Variants in MAP4 observed in about 807,000 individuals in gnomAD.
The protein encoded by MAP4 is microtubule associated protein 4, also known as microtubule-associated protein 4.
A neutral mutation model predicts 170.2 loss-of-function variants in MAP4; 76 were observed. The ratio of observed to expected loss-of-function variants is 0.45; its 90% CI spans 0.37 to 0.54. The LOEUF (loss-of-function observed/expected upper bound fraction) is 0.54, where lower values mean the gene tolerates loss of function less well. MAP4 is among the 20% of genes least tolerant of loss of function. MAP4 has a pLI of 0.00. For missense variants in MAP4, 2,506 were observed against 2,748.0 expected (o/e 0.91, Z 1.97); for synonymous variants, 909 against 994.5 (o/e 0.91, Z 1.62).
chr3:47,914,230 G>T (rs949004094), intron 8 of MAP4, among the ~76,000 whole-genome samples: 4 of 152,138 alleles, frequency 2.6e-5, no homozygotes, highest in Admixed American at 6.5e-5. Flanking sequence ...AGCTGAACCA[G>T]ATCAAAATTT....
intron 1 of MAP4, among the ~76,000 whole-genome samples, chr3:48,055,798 G>A (rs1228359554): frequency 1.4e-5 from 2 of 138,020 alleles, no homozygotes; most frequent in Non-Finnish European, 3.2e-5. Context: ...TAGGAAGTGA[G>A]GAGCGTCTCT....
rs1203113863 is a variant in MAP4, at chr3:47,969,164, T to C, written c.292+8701A>G. ...GGCTCACGCCTGTAATCCCAGCACT[T>C]TGGGAGGCGAACATGGGTGGATCAC... On this transcript the variant is annotated intron_variant, in intron 3 of 20. Transcript: ENST00000683076. 2.0e-5 allele frequency among the ~76,000 whole-genome samples: 3 copies of C among 152,292 alleles called. No homozygotes were observed. In the East Asian group the frequency reaches 5.8e-4, roughly 29 times the overall value.
chr3:47,994,599 C>A (rs1175087978), intron 2 of MAP4, among the ~76,000 whole-genome samples: 5 of 152,222 alleles, frequency 3.3e-5, no homozygotes, highest in South Asian at 4.2e-4. Context: ...ATTAACTTGG[C>A]CCAAGAGGAG....
intron 1 of MAP4, among the ~76,000 whole-genome samples, chr3:48,002,604 G>C (rs2100099805): frequency 6.6e-6 from 1 of 151,522 alleles, no homozygotes; most frequent in Non-Finnish European, 1.5e-5. Flanking sequence ...AAATAAATAG[G>C]GTACAGAGGC....
intron 8 of MAP4, among the ~76,000 whole-genome samples, chr3:47,912,879 T>G (rs1559432770): frequency 6.6e-6 from 1 of 152,158 alleles, no homozygotes; most frequent in Non-Finnish European, 1.5e-5. Flanking sequence ...ATTCTAAGAC[T>G]AGGTCACCAA....
chr3:48,011,991 G>A (rs1419443203), intron 1 of MAP4, among the ~76,000 whole-genome samples: 3 of 152,096 alleles, frequency 2.0e-5, no homozygotes, highest in Non-Finnish European at 4.4e-5. Flanking sequence ...AACTGTCCTG[G>A]GTAAATCCTG....
At chr3:47,864,350 G>A (rs887023723) in intron 17 of MAP4, among the ~76,000 whole-genome samples, 1 of 152,068 alleles carries the variant, frequency 6.6e-6, no homozygotes, top group Non-Finnish European at 1.5e-5. Flanking sequence ...AGACCAGCCT[G>A]CCCAATATAG....
At chr3:47,961,730 C>T (rs916610430) in intron 3 of MAP4, among the ~76,000 whole-genome samples, 1 of 152,164 alleles carries the variant, frequency 6.6e-6, no homozygotes, top group African/African-American at 2.4e-5. Flanking sequence ...CTTCTTACTT[C>T]CATGGTGCTC....
At chr3:47,858,735 C>T (rs1231183866) in intron 17 of MAP4, among the ~76,000 whole-genome samples, 1 of 152,034 alleles carries the variant, frequency 6.6e-6, no homozygotes, top group Non-Finnish European at 1.5e-5. Context: ...CTTTGGGAGG[C>T]TGAGGCAGGC....
chr3:47,934,884 T>C (rs1366925673), intron 3 of MAP4, among the ~76,000 whole-genome samples: 1 of 152,212 alleles, frequency 6.6e-6, no homozygotes, highest in Non-Finnish European at 1.5e-5. Context: ...GTAAACCAAA[T>C]GGTGAAATGT....
At position 47,855,131 on chromosome 3, in the gene MAP4, C is replaced by T. The variant is rs2052794640; in HGVS notation, c.6696+117G>A. 2 of 696,634 alleles carry T rather than the reference C, an allele frequency of 2.9e-6. No homozygotes were observed. The highest frequency in any genetic ancestry group is 5.2e-6 in the Non-Finnish European group (2 of 383,488). The allele number at this position is 696,634 out of a possible 1,614,324, so 43.2% of individuals were successfully genotyped here. On this transcript the variant is annotated intron_variant, in intron 19 of 20. Transcript: ENST00000683076. The surrounding 1 kb of genome is among the most constrained non-coding windows in gnomAD (Gnocchi z 5.1). ...AAAACGGCAATGGTGTGGGTGAAGACATGACTCCTGAAGAGACTGAGGGGC... is the reference window on the plus strand; with the variant it reads ...AAAACGGCAATGGTGTGGGTGAAGATATGACTCCTGAAGAGACTGAGGGGC...
chr3:47,944,857 T>C (rs2100058704), intron 3 of MAP4, among the ~76,000 whole-genome samples: 1 of 151,516 alleles, frequency 6.6e-6, no homozygotes, highest in Admixed American at 6.6e-5. Context: ...AATTATGAGA[T>C]AACTGGTGAA....
chr3:48,037,567 G>A (rs1038039489), intron 1 of MAP4, among the ~76,000 whole-genome samples: 1 of 151,872 alleles, frequency 6.6e-6, no homozygotes, highest in Non-Finnish European at 1.5e-5. Context: ...GCTAATTTTT[G>A]TATTTTTTGT....
Position 47,912,393 on chromosome 3 carries a change from G to A in MAP4, c.2028C>T (p.Pro676=). 2 of 1,516,048 alleles carry A rather than the reference G, an allele frequency of 1.3e-6. No individual in the cohort carries two copies. The highest frequency in any genetic ancestry group is 1.2e-5 in the South Asian group (1 of 82,986). The allele number at this position is 1,516,048 out of a possible 1,614,324, so 93.9% of individuals were successfully genotyped here. Residue 676 remains proline (P), a synonymous_variant, in exon 9 of 21, where the codon CCC becomes CCT. Coordinates refer to ENST00000683076, the MANE Select transcript of MAP4 (RefSeq NM_001385682.1). ...SANFMYCGTP[P]TQAKQVCRPS... ...GTCTGCAAACTTGTTTGGCTTGTGT[G>A]GGAGGGGTACCGCAATACATGAAGT...
chr3:47,857,657 A>G (rs529676575), intron 17 of MAP4, 145 bp from the exon 18 acceptor site: 2 of 649,520 alleles, frequency 3.1e-6, no homozygotes, highest in Admixed American at 2.4e-5. Flanking sequence ...AGACAAGGTC[A>G]TCTCCCTAAG....
chr3:47,909,642 T>G lies in MAP4; in HGVS notation c.4779A>C (p.Leu1593=). The change falls in exon 9 of 21, where the codon CTA becomes CTC. Residue 1593 remains leucine, a synonymous_variant. Transcript: ENST00000683076. ...DQSLPGEARA[L]EGYADRGNFP... ...AATTACCTCTATCTGCATATCCTTC[T>G]AGGGCTCTGGCCTCTCCTGGTAGGC... 6.2e-7 allele frequency: 1 copy of G among 1,613,984 alleles called. No homozygotes were observed. The highest frequency in any genetic ancestry group is 8.5e-7 in the Non-Finnish European group (1 of 1,179,890).
rs151008404 is a variant in MAP4, at chr3:47,870,815, G to T, written c.6292C>A (p.Arg2098=). ...GACCCCAAGCTCCCTGGACCCACCCGGCCTCCTCCAGGCTGATGCTTGATG... is the reference window on the plus strand; with the variant it reads ...GACCCCAAGCTCCCTGGACCCACCCTGCCTCCTCCAGGCTGATGCTTGATG... The part of the protein sequence containing the change: ...ENIKHQPGGG[R]AKVEKKTEAA... Residue 2098 remains arginine (R), a splice_region_variant and synonymous_variant, in exon 15 of 21, where the codon CGG becomes AGG. Coordinates refer to ENST00000683076, the MANE Select transcript of MAP4 (RefSeq NM_001385682.1). The T allele has an allele frequency of 6.5e-7, 1 of 1,546,282 alleles. No individual in the cohort carries two copies. The highest frequency in any genetic ancestry group is 1.4e-5 in the African/African-American group (1 of 73,180).
chr3:47,858,106 C>T (rs982664142), intron 17 of MAP4, among the ~76,000 whole-genome samples: 7 of 151,234 alleles, frequency 4.6e-5, no homozygotes, highest in Admixed American at 1.3e-4. Flanking sequence ...CTCCATCTCC[C>T]GGGTTCAAGT....
intron 4 of MAP4, among the ~76,000 whole-genome samples, chr3:47,922,106 C>A (rs1345961279): frequency 6.6e-6 from 1 of 152,058 alleles, no homozygotes; most frequent in African/African-American, 2.4e-5. Context: ...CGCCACCATG[C>A]CTGGCTAATT....
Sources: gnomAD v4.1 joint callset for allele counts (sites outside exome capture counted in the v4.1 genomes callset) on GRCh38, gnomAD v4.1.1 for gene constraint, Gnocchi (gnomAD v3.1) non-coding constraint, MANE v1.5 for transcripts, NCBI Gene and HGNC (gene_info 2026-07-23, HGNC 2026-07-21) for gene names.